RAD51B: variants seen among roughly 807,000 people sequenced by gnomAD.
RAD51B encodes the protein RAD51 paralog B, also known as DNA repair protein RAD51 homolog 2.
In RAD51B, 38 loss-of-function variants were observed where a neutral mutation model predicts 42.2. The ratio of observed to expected loss-of-function variants is 0.90; its 90% confidence interval spans 0.70 to 1.18. The LOEUF (loss-of-function observed/expected upper bound fraction) is 1.18. RAD51B is among the 50% of genes most tolerant of loss of function. The probability of loss-of-function intolerance (pLI) is 0.00; values close to 1 mark genes in which losing one functional copy is unlikely to be tolerated. For missense variants in RAD51B, 373 were observed against 400.7 expected (o/e 0.93, Z 0.59); for synonymous variants, 154 against 145.2 (o/e 1.06, Z -0.43).
chr14:68,346,987 A>C (rs2082689588), intron 8 of RAD51B, among the ~76,000 whole-genome samples: 1 of 152,168 alleles, frequency 6.6e-6, no homozygotes. Context: ...TTTAAGACTC[A>C]ATCGAAGTGC....
intron 10 of RAD51B, chr14:68,563,441 G>A: frequency 1.0e-6 from 1 of 985,486 alleles, no homozygotes; most frequent in Non-Finnish European, 1.2e-6. Flanking sequence ...AAACAGGGAA[G>A]TGACAAGGTA....
At chr14:68,022,693 G>A (rs896326965) in intron 7 of RAD51B, among the ~76,000 whole-genome samples, 1 of 151,132 alleles carries the variant, frequency 6.6e-6, no homozygotes, top group Admixed American at 6.6e-5. Flanking sequence ...ACATGTGCAC[G>A]TTCATTACAT....
intron 7 of RAD51B, among the ~76,000 whole-genome samples, chr14:67,909,411 C>G (rs1403705209): frequency 2.0e-5 from 3 of 152,090 alleles, no homozygotes; most frequent in Non-Finnish European, 2.9e-5. Context: ...TTAGTACCAG[C>G]CTTTTGGAGG....
downstream of RAD51B, among the ~76,000 whole-genome samples, chr14:68,615,825 T>C (rs1255237763): frequency 6.6e-6 from 1 of 152,214 alleles, no homozygotes; most frequent in Non-Finnish European, 1.5e-5. Context: ...ATATTTAAAA[T>C]GAATTTCTTG....
chr14:68,636,582 C>A (rs1317685884), intron 10 of RAD51B, among the ~76,000 whole-genome samples: 1 of 97,112 alleles, frequency 1.0e-5, no homozygotes, highest in South Asian at 3.8e-4. Context: ...GACTCAGTCT[C>A]AAAAAAAAAA....
At chr14:68,388,078 G>GTATATATA (rs1198304118) in intron 8 of RAD51B, among the ~76,000 whole-genome samples, 13 of 112,208 alleles carry the variant, frequency 1.2e-4, no homozygotes, top group African/African-American at 4.1e-4. Flanking sequence ...GTGTGTGTGT[G>GTATATATA]TATATATATA....
At chr14:67,859,267 G>T (rs1457089491) in intron 4 of RAD51B, among the ~76,000 whole-genome samples, 1 of 152,114 alleles carries the variant, frequency 6.6e-6, no homozygotes, top group East Asian at 1.9e-4. Context: ...CAAAATCAAA[G>T]TTCACAAAAC....
At chr14:68,317,020 T>C (rs2082075727) in intron 8 of RAD51B, among the ~76,000 whole-genome samples, 1 of 152,160 alleles carries the variant, frequency 6.6e-6, no homozygotes, top group African/African-American at 2.4e-5. Context: ...AACAGAAATT[T>C]ATGAGGCTAT....
chr14:68,153,842 T>G (rs2078441882), intron 7 of RAD51B, among the ~76,000 whole-genome samples: 1 of 152,168 alleles, frequency 6.6e-6, no homozygotes, highest in Admixed American at 6.5e-5. Flanking sequence ...CTAAATGAAA[T>G]GGAAACTCAC....
At chr14:68,600,716 T>C (rs768755036), downstream of RAD51B, among the ~76,000 whole-genome samples, 4 of 152,168 alleles carry the variant, frequency 2.6e-5, no homozygotes, top group Non-Finnish European at 5.9e-5. Flanking sequence ...ATAAAGGCCT[T>C]TGTCCAGAGA....
chr14:68,323,115 G>T (rs1408210901), intron 8 of RAD51B, among the ~76,000 whole-genome samples: 4 of 152,138 alleles, frequency 2.6e-5, no homozygotes, highest in Admixed American at 1.3e-4. Context: ...AGAACACAGG[G>T]ACAAAATAAA....
chr14:67,936,151 G>A (rs915354193), intron 7 of RAD51B, among the ~76,000 whole-genome samples: 1 of 151,842 alleles, frequency 6.6e-6, no homozygotes, highest in African/African-American at 2.4e-5. Flanking sequence ...TCTTTTTTTA[G>A]CATATTGACA....
At chr14:68,075,587 C>T (rs867741208) in intron 7 of RAD51B, among the ~76,000 whole-genome samples, 8 of 152,184 alleles carry the variant, frequency 5.3e-5, no homozygotes, top group Middle Eastern at 3.4e-3. Flanking sequence ...GTCTTTGTTC[C>T]TTCCTCAGTC....
At chr14:68,564,563 C>A (rs1267351962) in intron 10 of RAD51B, among the ~76,000 whole-genome samples, 1 of 152,186 alleles carries the variant, frequency 6.6e-6, no homozygotes, top group Non-Finnish European at 1.5e-5. Context: ...CGATCCCTTA[C>A]TTATGGCCAC....
At chr14:68,411,043 C>A (rs958837237) in intron 8 of RAD51B, among the ~76,000 whole-genome samples, 6 of 152,278 alleles carry the variant, frequency 3.9e-5, no homozygotes, top group South Asian at 2.1e-4. Context: ...AAATGTCTAA[C>A]AACTCTATTA....
intron 7 of RAD51B, among the ~76,000 whole-genome samples, chr14:68,231,916 T>G (rs1271875162): frequency 2.6e-5 from 4 of 152,110 alleles, no homozygotes; most frequent in Non-Finnish European, 5.9e-5. Context: ...AGGAATGTAA[T>G]ATAAATGCAG....
intron 7 of RAD51B, among the ~76,000 whole-genome samples, chr14:67,925,698 C>T (rs1048452011): frequency 6.6e-6 from 1 of 152,184 alleles, no homozygotes; most frequent in Non-Finnish European, 1.5e-5. Flanking sequence ...AGGTTCTTCT[C>T]CATAAGAGTC....
At chr14:67,897,893 C>T (rs1025312499) in intron 7 of RAD51B, among the ~76,000 whole-genome samples, 9 of 152,098 alleles carry the variant, frequency 5.9e-5, no homozygotes, top group African/African-American at 1.7e-4. Flanking sequence ...CTCAGGTGAT[C>T]CATCCACCTC....
At chr14:68,593,655 G>T (rs966406584) in intron 10 of RAD51B, among the ~76,000 whole-genome samples, 3 of 152,192 alleles carry the variant, frequency 2.0e-5, no homozygotes, top group Non-Finnish European at 2.9e-5. Flanking sequence ...CTGGCTGAAA[G>T]TGGGGAATGT....
Sources: gnomAD v4.1 joint callset for allele counts (sites outside exome capture counted in the v4.1 genomes callset) on GRCh38, gnomAD v4.1.1 for gene constraint, MANE v1.5 for transcripts, NCBI Gene and HGNC (gene_info 2026-07-23, HGNC 2026-07-21) for gene names.